The following CDK8 variants were observed in gnomAD, a reference collection of about 807,000 sequenced individuals.
The protein encoded by CDK8 is cyclin-dependent kinase 8.
CDK8 carries 29 observed loss-of-function variants against 71.5 expected under a neutral mutation model. The ratio of observed to expected loss-of-function variants is 0.41; its 90% confidence interval spans 0.30 to 0.55. The LOEUF is 0.55. Among genes scored for constraint, CDK8 ranks in the 20% least tolerant of loss-of-function variants. The pLI is 0.37. For missense variants in CDK8, 288 were observed against 572.6 expected (o/e 0.50, Z 5.07); for synonymous variants, 161 against 192.1 (o/e 0.84, Z 1.34).
intron 1 of CDK8, among the ~76,000 whole-genome samples, chr13:26,273,462 T>C (rs573789725): frequency 6.1e-4 from 93 of 152,284 alleles, no homozygotes; most frequent in Non-Finnish European, 1.1e-3. Flanking sequence ...ATTAAAGTTT[T>C]CTGGGTAGCT....
In CDK8 at chr13:26,404,775, A is replaced by G. The variant is rs1876434098; in HGVS notation, c.*694A>G. 4.5e-6 allele frequency: 1 copy of G among 221,168 alleles called. No individual in the cohort carries two copies. The highest frequency in any genetic ancestry group is 9.0e-6 in the Non-Finnish European group (1 of 110,768). 13.7% of individuals were successfully genotyped at this position (221,168 alleles called of 1,614,324 possible). A position where few individuals can be genotyped will look rare whatever the true frequency, so the allele number is the denominator to read the frequency against. ...TGACTGGTATTAAAGCTGCTATTTG[A>G]TAGTAATTAAATATGTTGTCATTGA... On this transcript the variant is annotated 3_prime_UTR_variant, in exon 13 of 13. Coordinates refer to ENST00000381527, the MANE Select transcript of CDK8 (RefSeq NM_001260.3).
intron 1 of CDK8, among the ~76,000 whole-genome samples, chr13:26,306,881 G>A (rs754180795): frequency 5.9e-5 from 9 of 152,024 alleles, no homozygotes; most frequent in Middle Eastern, 3.4e-3. Flanking sequence ...TGCCTGCCTC[G>A]GCCTCCCAAA....
chr13:26,361,017 C>T lies in CDK8; in HGVS notation c.456+7137C>T, dbSNP rs373886584. 1.6e-4 allele frequency among the ~76,000 whole-genome samples: 24 copies of T among 152,256 alleles called. No homozygotes were observed. The East Asian group carries it at 2.1e-3, about 13-fold the overall frequency. ...TCTCTTTTATTGCTCTCTTCTTATA[C>T]GCAATATTTTTGTTTCACTCAGTGA... On this transcript the variant is annotated intron_variant, in intron 4 of 12. Transcript: ENST00000381527.
At chr13:26,276,999 C>G (rs1198711316) in intron 1 of CDK8, among the ~76,000 whole-genome samples, 1 of 152,234 alleles carries the variant, frequency 6.6e-6, no homozygotes, top group Non-Finnish European at 1.5e-5. Flanking sequence ...ACTTGCAGAA[C>G]TGTTCACAAC....
chr13:26,367,946 AT>A (rs967933160), intron 4 of CDK8, among the ~76,000 whole-genome samples: 46 of 152,258 alleles, frequency 3.0e-4, no homozygotes, highest in Non-Finnish European at 6.0e-4. Flanking sequence ...GGAAGGGCAG[AT>A]TTGGCAGGGA....
At chr13:26,362,070 G>C (rs1257894652) in intron 4 of CDK8, among the ~76,000 whole-genome samples, 1 of 152,018 alleles carries the variant, frequency 6.6e-6, no homozygotes, top group African/African-American at 2.4e-5. Flanking sequence ...TGGTTTTGAT[G>C]TATTTTCTAA....
intron 1 of CDK8, among the ~76,000 whole-genome samples, chr13:26,291,678 T>A (rs1310464805): frequency 6.6e-6 from 1 of 152,192 alleles, no homozygotes; most frequent in African/African-American, 2.4e-5. Context: ...TTTCTCCTAT[T>A]TTTAAATTTA....
chr13:26,313,331 C>T (rs1031180601), intron 1 of CDK8, among the ~76,000 whole-genome samples: 6 of 151,924 alleles, frequency 3.9e-5, no homozygotes, highest in East Asian at 1.9e-4. Flanking sequence ...GTGGCAAAAA[C>T]GAGATGGAAA....
At chr13:26,327,785 C>T (rs939738388) in intron 1 of CDK8, among the ~76,000 whole-genome samples, 5 of 151,972 alleles carry the variant, frequency 3.3e-5, no homozygotes, top group Admixed American at 1.3e-4. Flanking sequence ...GCCGAGATTG[C>T]GCCACTGCAC....
At chr13:26,325,404 T>A (rs1041469061) in intron 1 of CDK8, among the ~76,000 whole-genome samples, 3 of 152,198 alleles carry the variant, frequency 2.0e-5, no homozygotes, top group African/African-American at 7.2e-5. Context: ...GTTGTTTAAT[T>A]TGCTTTGATG....
chr13:26,385,400 A>G, intron 6 of CDK8, 58 bp downstream of exon 6: 1 of 1,353,898 alleles, frequency 7.4e-7, no homozygotes, highest in Non-Finnish European at 1.0e-6. Context: ...AAAGACACAC[A>G]TTCCTATATA....
chr13:26,282,030 TAA>T (rs200213850), intron 1 of CDK8, among the ~76,000 whole-genome samples: 2 of 149,310 alleles, frequency 1.3e-5, no homozygotes, highest in Admixed American at 6.7e-5. Flanking sequence ...GCAAAAAGAA[TAA>T]AAAAAAAGAA....
At chr13:26,346,159 A>C (rs1412288455) in intron 2 of CDK8, among the ~76,000 whole-genome samples, 1 of 152,054 alleles carries the variant, frequency 6.6e-6, no homozygotes, top group Non-Finnish European at 1.5e-5. Context: ...AAATTATTTA[A>C]ACCCCTTAAA....
intron 1 of CDK8, among the ~76,000 whole-genome samples, chr13:26,291,286 C>T (rs934235777): frequency 1.3e-5 from 2 of 152,064 alleles, no homozygotes; most frequent in Admixed American, 1.3e-4. Context: ...TAAGTACACT[C>T]TGTGATGTTT....
At chr13:26,276,506 G>T (rs530204925) in intron 1 of CDK8, among the ~76,000 whole-genome samples, 4 of 152,164 alleles carry the variant, frequency 2.6e-5, no homozygotes, top group Non-Finnish European at 5.9e-5. Flanking sequence ...GGCAATGGAT[G>T]CAAAACAAGT....
At chr13:26,356,077 G>A (rs1873884598) in intron 4 of CDK8, among the ~76,000 whole-genome samples, 1 of 152,118 alleles carries the variant, frequency 6.6e-6, no homozygotes. Context: ...TGACATAGGG[G>A]TAGTATAGAA....
rs750047100 is a variant in CDK8 at position 26,401,279 on chromosome 13, G to A, written c.1042G>A (p.Gly348Ser). 8 of 1,613,232 alleles carry A rather than the reference G, an allele frequency of 5.0e-6. No individual in the cohort carries two copies. Among genetic ancestry groups the A allele is most frequent in the African/African-American group, 1.3e-5 (1 of 74,842 alleles). ...DPLPTSDVFA[G>S]CQIPYPKREF... ...TTTTCTTATGATCAGCGTTTTTGCC[G>A]GTTGTCAAATCCCTTACCCAAAACG... is the stretch of plus-strand genomic sequence containing the variant. The change falls in exon 11 of 13, where the codon GGT (glycine) becomes AGT (serine). Residue 348 changes from glycine to serine, a missense_variant. Transcript: ENST00000381527. This position sits in a 1 kb window ranked among gnomAD's most constrained non-coding sequence, Gnocchi z 4.5.
At chr13:26,384,905 A>G (rs557927029) in intron 5 of CDK8, among the ~76,000 whole-genome samples, 3 of 152,262 alleles carry the variant, frequency 2.0e-5, no homozygotes, top group African/African-American at 7.2e-5. Context: ...CAGCTCAACA[A>G]CCCTGTCCCT....
chr13:26,280,583 G>T (rs1872705215), intron 1 of CDK8, among the ~76,000 whole-genome samples: 1 of 152,180 alleles, frequency 6.6e-6, no homozygotes, highest in African/African-American at 2.4e-5. Context: ...ATGAATGTCA[G>T]CATCTTTTCA....
Sources: allele counts gnomAD v4.1 joint callset (sites outside exome capture counted in the v4.1 genomes callset), GRCh38; gene constraint gnomAD v4.1.1; non-coding constraint Gnocchi (gnomAD v3.1); transcripts MANE v1.5; gene names NCBI Gene and HGNC (gene_info 2026-07-23, HGNC 2026-07-21).